Variants in RAB38 observed in about 807,000 individuals in gnomAD.
The protein encoded by RAB38 is RAB38, member RAS oncogene family.
Under a neutral mutation model 18.4 loss-of-function variants are expected in RAB38, and 15 were observed. The ratio of observed to expected loss-of-function variants is 0.82; its 90% CI spans 0.55 to 1.26. The LOEUF (loss-of-function observed/expected upper bound fraction) is 1.26. Among genes scored for constraint, RAB38 ranks in the 50% most tolerant of loss-of-function variants. The pLI is 0.00. For missense variants in RAB38, 294 were observed against 267.4 expected (o/e 1.10, Z -0.69); for synonymous variants, 101 against 104.4 (o/e 0.97, Z 0.20).
chr11:88,007,755 A>G, the RAB38 span, among the ~76,000 whole-genome samples: 1 of 152,130 alleles, frequency 6.6e-6, no homozygotes, highest in African/African-American at 2.4e-5. Context: ...AAATAAAAAC[A>G]TATGTCCACA....
the RAB38 span, among the ~76,000 whole-genome samples, chr11:87,905,941 C>A: frequency 1.2e-4 from 18 of 152,074 alleles, no homozygotes; most frequent in South Asian, 8.3e-4. Context: ...ACTTTGATTT[C>A]TGTCTCTTCA....
the RAB38 span, among the ~76,000 whole-genome samples, chr11:87,897,730 A>G: frequency 1.3e-5 from 2 of 151,820 alleles, no homozygotes; most frequent in East Asian, 3.9e-4. Flanking sequence ...AACCACCATT[A>G]CAGGATAAAT....
the RAB38 span, among the ~76,000 whole-genome samples, chr11:88,063,482 A>G: frequency 1.3e-5 from 2 of 152,252 alleles, no homozygotes; most frequent in East Asian, 3.9e-4. Context: ...GGACATGGAG[A>G]ATAGTGGGCA....
intron 1 of RAB38, among the ~76,000 whole-genome samples, chr11:88,155,343 A>AGCCTGCTAT (rs1323100353): frequency 7.2e-5 from 11 of 152,348 alleles, no homozygotes; most frequent in African/African-American, 2.6e-4. Context: ...CATTGACCAC[A>AGCCTGCTAT]GCCTGCTATC....
At chr11:87,812,798 CTG>C in the RAB38 span, among the ~76,000 whole-genome samples, 1 of 152,176 alleles carries the variant, frequency 6.6e-6, no homozygotes, top group African/African-American at 2.4e-5. Context: ...CCTTTTGCCA[CTG>C]TGAAGGAATT....
chr11:87,847,483 C>CTG, the RAB38 span, among the ~76,000 whole-genome samples: 10 of 152,140 alleles, frequency 6.6e-5, no homozygotes, highest in East Asian at 1.9e-3. Context: ...ATTAAATAAA[C>CTG]TGAATCTGTT....
intron 1 of RAB38, among the ~76,000 whole-genome samples, chr11:88,150,427 G>A (rs7105256): frequency 1.3e-5 from 2 of 152,070 alleles, no homozygotes; most frequent in African/African-American, 4.8e-5. Context: ...AAATATTTGG[G>A]ATACTCTGAT....
At chr11:88,112,041 C>T (rs1295958462), downstream of RAB38, among the ~76,000 whole-genome samples, 2 of 152,182 alleles carry the variant, frequency 1.3e-5, no homozygotes, top group Non-Finnish European at 2.9e-5. Context: ...GCCAGGTAGA[C>T]TTGTCAGAAT....
chr11:87,832,277 C>G, the RAB38 span, among the ~76,000 whole-genome samples: 1 of 152,270 alleles, frequency 6.6e-6, no homozygotes, highest in Admixed American at 6.5e-5. Flanking sequence ...TTTTCTATTG[C>G]TGCATTAAAA....
the RAB38 span, among the ~76,000 whole-genome samples, chr11:87,958,384 G>A: frequency 3.9e-5 from 6 of 152,152 alleles, no homozygotes; most frequent in African/African-American, 1.2e-4. Flanking sequence ...CTGCATGCAA[G>A]CCTCTGTCTT....
At chr11:87,911,627 A>G in the RAB38 span, among the ~76,000 whole-genome samples, 1 of 152,026 alleles carries the variant, frequency 6.6e-6, no homozygotes, top group African/African-American at 2.4e-5. Context: ...TGAAGATTCC[A>G]TAGGATTTTC....
At chr11:88,015,310 G>C in the RAB38 span, among the ~76,000 whole-genome samples, 7 of 152,242 alleles carry the variant, frequency 4.6e-5, no homozygotes, top group South Asian at 1.5e-3. Context: ...TAGTTCCTCA[G>C]ATACTCTTTT....
chr11:88,120,493 G>A (rs1274234941), intron 2 of RAB38, among the ~76,000 whole-genome samples: 4 of 152,200 alleles, frequency 2.6e-5, no homozygotes, highest in Non-Finnish European at 5.9e-5. Flanking sequence ...AGGTCTCAGT[G>A]ATGCCCTATT....
the RAB38 span, among the ~76,000 whole-genome samples, chr11:88,096,378 A>G: frequency 6.6e-6 from 1 of 151,792 alleles, no homozygotes; most frequent in Non-Finnish European, 1.5e-5. Flanking sequence ...TCTCTGCTCA[A>G]TTGTCATCTC....
the RAB38 span, among the ~76,000 whole-genome samples, chr11:87,875,490 T>A: frequency 2.6e-5 from 4 of 151,486 alleles, no homozygotes; most frequent in African/African-American, 9.7e-5. Flanking sequence ...CATTTTAGAT[T>A]TAGGGTATCA....
the RAB38 span, among the ~76,000 whole-genome samples, chr11:88,032,546 C>G: frequency 6.6e-6 from 1 of 152,056 alleles, no homozygotes; most frequent in Non-Finnish European, 1.5e-5. Flanking sequence ...AACAAACAAC[C>G]CCATCAAAAA....
At chr11:87,854,674 A>G in the RAB38 span, among the ~76,000 whole-genome samples, 1 of 152,198 alleles carries the variant, frequency 6.6e-6, no homozygotes, top group African/African-American at 2.4e-5. Flanking sequence ...ATTAATAAAA[A>G]TGTTTAAAAT....
chr11:88,031,561 C>G, the RAB38 span, among the ~76,000 whole-genome samples: 10 of 151,868 alleles, frequency 6.6e-5, no homozygotes, highest in African/African-American at 1.9e-4. Flanking sequence ...GTACAAAAAT[C>G]ACAAGCATTC....
chr11:88,080,241 T>A, the RAB38 span, among the ~76,000 whole-genome samples: 1 of 151,584 alleles, frequency 6.6e-6, no homozygotes. Flanking sequence ...AACAAAAAAA[T>A]TATTCATTCG....
Sources: allele counts gnomAD v4.1 joint callset (sites outside exome capture counted in the v4.1 genomes callset), GRCh38; gene constraint gnomAD v4.1.1; transcripts MANE v1.5; gene names NCBI Gene and HGNC (gene_info 2026-07-23, HGNC 2026-07-21).